The following TSGA10 variants were observed in gnomAD, a reference collection of about 807,000 sequenced individuals.
The protein encoded by TSGA10 is testis-specific gene 10 protein.
A neutral mutation model predicts 96.6 loss-of-function variants in TSGA10; 43 were observed. That is an observed-to-expected ratio of 0.44 (90% CI 0.35 to 0.57). The LOEUF is 0.57. Among genes scored for constraint, TSGA10 ranks in the 20% least tolerant of loss-of-function variants. The pLI is 0.01. For synonymous variants in TSGA10, 229 were observed against 269.9 expected (o/e 0.85, Z 1.48); for missense variants, 703 against 834.4 (o/e 0.84, Z 1.94).
chr2:99,120,139 T>C lies in TSGA10; in HGVS notation c.-491-1453A>G, dbSNP rs548402959. Among the ~76,000 whole-genome samples, 8 of 152,334 alleles carry C rather than the reference T, an allele frequency of 5.3e-5. No homozygotes were observed. The South Asian group carries it at 1.7e-3, about 32-fold the overall frequency. ...AAACAACTTAAAAGACTGTATTGTCTCATTTCTGTATCAACACATCACTTG... is the reference window on the plus strand; with the variant it reads ...AAACAACTTAAAAGACTGTATTGTCCCATTTCTGTATCAACACATCACTTG... On this transcript the variant is annotated intron_variant, in intron 2 of 20. Transcript: ENST00000393483.
intron 1 of TSGA10, among the ~76,000 whole-genome samples, chr2:99,143,126 A>G (rs950291939): frequency 6.9e-6 from 1 of 145,258 alleles, no homozygotes; most frequent in Admixed American, 7.0e-5. Context: ...CCCTGCCCCA[A>G]CTAAACCTTT....
At chr2:99,021,052 T>C (rs2079963432) in intron 17 of TSGA10, among the ~76,000 whole-genome samples, 1 of 151,508 alleles carries the variant, frequency 6.6e-6, no homozygotes, top group Non-Finnish European at 1.5e-5. Context: ...ATCTTGAGCC[T>C]TAAAATATGC....
At chr2:99,006,109 G>T (rs2104828777) in intron 20 of TSGA10, among the ~76,000 whole-genome samples, 2 of 152,298 alleles carry the variant, frequency 1.3e-5, no homozygotes, top group Non-Finnish European at 2.9e-5. Context: ...GCTGAAACTG[G>T]ATCCCTTCCT....
At chr2:99,068,356 ATCCTC>A (rs2085510254) in intron 15 of TSGA10, among the ~76,000 whole-genome samples, 1 of 152,212 alleles carries the variant, frequency 6.6e-6, no homozygotes, top group Non-Finnish European at 1.5e-5. Context: ...CATATCTAAA[ATCCTC>A]AGTAAAGCTG....
chr2:99,088,912 C>T (rs1156630263), intron 10 of TSGA10, among the ~76,000 whole-genome samples: 5 of 152,178 alleles, frequency 3.3e-5, no homozygotes, highest in Non-Finnish European at 5.9e-5. Flanking sequence ...TAATTTGAAG[C>T]TCTCACTCAG....
chr2:99,109,392 G>A lies in TSGA10; in HGVS notation c.48C>T (p.Ala16=), dbSNP rs1197355174. Reference sequence around the variant, plus strand: ...TTTGTAAGTTTATAAAACCTACCCGGGCAGTTGGTGATGGGCGTCTTGGAC... The same window carrying A: ...TTTGTAAGTTTATAAAACCTACCCGAGCAGTTGGTGATGGGCGTCTTGGAC... ...SKSPRRPSPT[A]RGANCDVELL... is the part of the protein sequence containing the mutation. Residue 16 remains alanine, a synonymous_variant, in exon 6 of 21, where the codon GCC becomes GCT. Coordinates refer to ENST00000393483, the MANE Select transcript of TSGA10 (RefSeq NM_025244.4). 1 of 1,613,844 alleles carries A rather than the reference G, an allele frequency of 6.2e-7. No individual in the cohort carries two copies. The highest frequency in any genetic ancestry group is 1.3e-5 in the African/African-American group (1 of 75,002).
chr2:99,035,619 C>CT (rs5832864), intron 16 of TSGA10, among the ~76,000 whole-genome samples, 180 bp from the exon 17 acceptor site: 52,198 of 143,300 alleles, frequency 0.36, 10,386 homozygotes, highest in African/African-American at 0.55. Context: ...CAGGTTTTGA[C>CT]TTTTTTTTTT....
chr2:99,134,656 G>C (rs988624622), intron 1 of TSGA10, among the ~76,000 whole-genome samples: 1 of 152,078 alleles, frequency 6.6e-6, no homozygotes, highest in African/African-American at 2.4e-5. Context: ...GAGGAGAAGA[G>C]GCGTTCTGGT....
chr2:99,147,443 C>A (rs1466249817), intron 1 of TSGA10: 1 of 1,613,074 alleles, frequency 6.2e-7, no homozygotes, highest in African/African-American at 1.3e-5. Context: ...TCCAAAGAGG[C>A]CCCCAATAGA....
chr2:99,086,903 A>G (rs1475556842), intron 10 of TSGA10, among the ~76,000 whole-genome samples: 1 of 143,758 alleles, frequency 7.0e-6, no homozygotes, highest in South Asian at 2.2e-4. Flanking sequence ...CCCTGTGTCT[A>G]AAAAAAAAAA....
At chr2:99,093,083 C>T (rs1463229590) in intron 10 of TSGA10, among the ~76,000 whole-genome samples, 1 of 152,036 alleles carries the variant, frequency 6.6e-6, no homozygotes, top group Non-Finnish European at 1.5e-5. Context: ...ACCAGGGAGG[C>T]AGGGAAGGTT....
chr2:99,148,496 T>C (rs1199691755), intron 1 of TSGA10: 3 of 152,236 alleles, frequency 2.0e-5, no homozygotes, highest in Non-Finnish European at 4.4e-5. Context: ...TTTAGGCTAC[T>C]ACAGTAGACC....
intron 10 of TSGA10, among the ~76,000 whole-genome samples, chr2:99,092,916 C>A (rs961820780): frequency 3.3e-5 from 5 of 152,124 alleles, no homozygotes; most frequent in African/African-American, 1.2e-4. Context: ...GCCAGCATCA[C>A]CCTAAATACC....
intron 11 of TSGA10, among the ~76,000 whole-genome samples, chr2:99,080,189 A>G (rs546476791): frequency 2.0e-5 from 3 of 152,254 alleles, no homozygotes; most frequent in African/African-American, 7.2e-5. Flanking sequence ...TCTATCTTCT[A>G]CATCCAACAC....
At position 99,035,219 on chromosome 2, in the gene TSGA10, A is replaced by G. The variant is rs764917423; in HGVS notation, c.1614+11T>C. 3.8e-6 allele frequency: 6 copies of G among 1,579,864 alleles called. No individual in the cohort carries two copies. Among genetic ancestry groups the G allele is most frequent in the Non-Finnish European group, 3.4e-6 (4 of 1,161,432 alleles). On this transcript the variant is annotated intron_variant, in intron 17 of 20. Transcript: ENST00000393483. ...TAGCAATTTTAAAGATTTTTAAAAT[A>G]TATTACATACCATTTCTATTTCTTG...
intron 1 of TSGA10, chr2:99,141,354 C>G: frequency 4.8e-6 from 1 of 207,736 alleles, no homozygotes; most frequent in South Asian, 5.0e-5. Flanking sequence ...CGGAGTGGGG[C>G]TCGTCTTCCA....
chr2:99,011,147 G>C (rs1334539088), intron 20 of TSGA10, among the ~76,000 whole-genome samples: 1 of 152,118 alleles, frequency 6.6e-6, no homozygotes, highest in Non-Finnish European at 1.5e-5. Context: ...ACCTCTACTA[G>C]AGCAGGTACT....
rs1209468207 is a variant in TSGA10, at chr2:99,043,651, T to C, written c.1405-8212A>G. On this transcript the variant is annotated intron_variant, in intron 16 of 20. Transcript: ENST00000393483. Reference sequence around the variant, plus strand: ...CAGCAAGGGAAAAATGGCTTGTCAATTGCACAGGAACTCCAATAATATTAA... The same window carrying C: ...CAGCAAGGGAAAAATGGCTTGTCAACTGCACAGGAACTCCAATAATATTAA... Among the ~76,000 whole-genome samples, 10 of 152,256 alleles carry C rather than the reference T, an allele frequency of 6.6e-5. No individual in the cohort carries two copies. The East Asian group carries it at 1.9e-3, about 29-fold the overall frequency.
chr2:99,076,863 GACT>G (rs1231598664), intron 12 of TSGA10, among the ~76,000 whole-genome samples: 2 of 151,956 alleles, frequency 1.3e-5, no homozygotes, highest in African/African-American at 4.8e-5. Flanking sequence ...GTCATTCAGT[GACT>G]ACTATCTAGT....
Sources: gnomAD v4.1 joint callset for allele counts (sites outside exome capture counted in the v4.1 genomes callset) on GRCh38, gnomAD v4.1.1 for gene constraint, MANE v1.5 for transcripts, NCBI Gene and HGNC (gene_info 2026-07-23, HGNC 2026-07-21) for gene names.